Variants in ITGAV observed in about 807,000 individuals in gnomAD.
The protein encoded by ITGAV is integrin alpha-V.
In ITGAV, 76 loss-of-function variants were observed where a neutral mutation model predicts 143.8. That is an observed-to-expected ratio of 0.53 (90% CI 0.44 to 0.64). ITGAV has a LOEUF of 0.64. Among genes scored for constraint, ITGAV ranks in the 30% least tolerant of loss-of-function variants. The probability of loss-of-function intolerance (pLI) is 0.00; values close to 1 mark genes in which losing one functional copy is unlikely to be tolerated. For missense variants in ITGAV, 1,193 were observed against 1,274.7 expected (o/e 0.94, Z 0.98); for synonymous variants, 453 against 446.7 (o/e 1.01, Z -0.18).
chr2:186,636,143 C>T lies in ITGAV; in HGVS notation c.693C>T (p.Ser231=), dbSNP rs868199933. 1 of 1,613,316 alleles carries T rather than the reference C, an allele frequency of 6.2e-7. No homozygotes were observed. Residue 231 remains serine, a synonymous_variant, in exon 7 of 30, where the codon AGC becomes AGT. Transcript: ENST00000261023. ...IVSKYDPNVY[S]IKYNNQLATR... ...CTAAATACGACCCCAATGTTTACAG[C>T]ATCAAGTATAATAACCAATTAGCAA...
chr2:186,663,932 A>G (rs958742663), intron 19 of ITGAV, 97 bp downstream of exon 19: 1 of 799,696 alleles, frequency 1.3e-6, no homozygotes, highest in Non-Finnish European at 2.1e-6. Context: ...AGAATTAGTT[A>G]TCCTGGAGGG....
chr2:186,652,263 G>A (rs1442610359), intron 15 of ITGAV, among the ~76,000 whole-genome samples, 174 bp downstream of exon 15: 1 of 152,176 alleles, frequency 6.6e-6, no homozygotes, highest in Non-Finnish European at 1.5e-5. Flanking sequence ...TGCCCAGGCT[G>A]GTGTGCAGTG....
intron 12 of ITGAV, among the ~76,000 whole-genome samples, chr2:186,645,386 T>C (rs1264075182): frequency 6.6e-6 from 1 of 151,526 alleles, no homozygotes; most frequent in Non-Finnish European, 1.5e-5. Context: ...TACAAGCCCA[T>C]AGTTGGAAGC....
At chr2:186,616,895 TA>T (rs969206645) in intron 2 of ITGAV, among the ~76,000 whole-genome samples, 13 of 152,264 alleles carry the variant, frequency 8.5e-5, no homozygotes, top group East Asian at 3.9e-4. Context: ...CTTTATTGGA[TA>T]TTTTTTTTCA....
intron 26 of ITGAV, 44 bp from the exon 27 acceptor site, chr2:186,675,559 TG>T (rs1689183734): frequency 7.0e-7 from 1 of 1,434,326 alleles, no homozygotes; most frequent in South Asian, 1.2e-5. Context: ...GTTGAAGAGA[TG>T]ATAGAATGAC....
At chr2:186,653,191 C>T (rs373436714) in intron 15 of ITGAV, among the ~76,000 whole-genome samples, 9 of 152,064 alleles carry the variant, frequency 5.9e-5, no homozygotes, top group South Asian at 4.2e-4. Flanking sequence ...ATGATCCACC[C>T]GCCTCGGCCT....
intron 7 of ITGAV, among the ~76,000 whole-genome samples, chr2:186,636,854 T>A (rs902787323): frequency 9.2e-5 from 14 of 152,214 alleles, no homozygotes; most frequent in African/African-American, 3.4e-4. Context: ...ACAATTGTAG[T>A]TTTGTAATAA....
chr2:186,646,037 G>T (rs2105718238), intron 12 of ITGAV, among the ~76,000 whole-genome samples: 1 of 152,196 alleles, frequency 6.6e-6, no homozygotes, highest in Middle Eastern at 3.4e-3. Flanking sequence ...GCAATGACTT[G>T]TCTAGGGTGG....
At chr2:186,661,569 C>T (rs1359362128) in intron 18 of ITGAV, among the ~76,000 whole-genome samples, 1 of 149,704 alleles carries the variant, frequency 6.7e-6, no homozygotes, top group East Asian at 2.0e-4. Context: ...TTTTTTCATT[C>T]AAATACACAT....
intron 2 of ITGAV, among the ~76,000 whole-genome samples, chr2:186,607,050 G>A (rs1169704768): frequency 6.6e-6 from 1 of 152,040 alleles, no homozygotes; most frequent in Non-Finnish European, 1.5e-5. Flanking sequence ...AGGCCTTGTA[G>A]TTAGACAGAC....
chr2:186,668,968 T>TAA, intron 25 of ITGAV, 48 bp downstream of exon 25: 1 of 1,420,218 alleles, frequency 7.0e-7, no homozygotes, highest in Non-Finnish European at 9.7e-7. Context: ...TTTCATTGCC[T>TAA]TCTTTCTAAA....
chr2:186,620,306 A>G (rs1687485901), intron 2 of ITGAV, among the ~76,000 whole-genome samples: 1 of 152,204 alleles, frequency 6.6e-6, no homozygotes, highest in Non-Finnish European at 1.5e-5. Context: ...TAGCATCATG[A>G]ACAGACAAAC....
chr2:186,617,044 T>A (rs1687385987), intron 2 of ITGAV, among the ~76,000 whole-genome samples: 1 of 151,924 alleles, frequency 6.6e-6, no homozygotes, highest in South Asian at 2.1e-4. Flanking sequence ...TTTGTTTTTT[T>A]TTTTAGCAAA....
intron 8 of ITGAV, 36 bp downstream of exon 8, chr2:186,637,145 A>T (rs1687966314): frequency 6.5e-7 from 1 of 1,532,148 alleles, no homozygotes; most frequent in Non-Finnish European, 9.0e-7. Context: ...ATCTTTAAAA[A>T]AATTAGATTA....
chr2:186,675,541 T>A, intron 26 of ITGAV, 63 bp from the exon 27 acceptor site: 1 of 1,299,102 alleles, frequency 7.7e-7, no homozygotes, highest in Admixed American at 1.9e-5. Flanking sequence ...AATGGCAAAT[T>A]TTCAAATGTT....
chr2:186,594,153 A>T (rs1686685882), intron 1 of ITGAV, among the ~76,000 whole-genome samples: 1 of 152,154 alleles, frequency 6.6e-6, no homozygotes, highest in Non-Finnish European at 1.5e-5. Context: ...CTGTATCTTA[A>T]ATCTAAAAGT....
chr2:186,662,892 T>A (rs888578423), intron 18 of ITGAV, among the ~76,000 whole-genome samples: 1 of 152,212 alleles, frequency 6.6e-6, no homozygotes, highest in South Asian at 2.1e-4. Flanking sequence ...ATCTTTCTTT[T>A]CCTTTAAATC....
At chr2:186,668,735 T>C in intron 24 of ITGAV, 27 bp from the exon 25 acceptor site, 1 of 1,608,166 alleles carries the variant, frequency 6.2e-7, no homozygotes, top group Non-Finnish European at 8.5e-7. Flanking sequence ...GCCCAAGGTG[T>C]AGATACATTT....
intron 6 of ITGAV, among the ~76,000 whole-genome samples, chr2:186,635,698 T>A (rs1402596768): frequency 6.6e-6 from 1 of 152,210 alleles, no homozygotes; most frequent in Non-Finnish European, 1.5e-5. Flanking sequence ...AGTTAAAAAA[T>A]ATCAATTGAA....
Sources: gnomAD v4.1 joint callset for allele counts (sites outside exome capture counted in the v4.1 genomes callset) on GRCh38, gnomAD v4.1.1 for gene constraint, MANE v1.5 for transcripts, NCBI Gene and HGNC (gene_info 2026-07-23, HGNC 2026-07-21) for gene names.